EEFSEC: variants seen among roughly 807,000 people sequenced by gnomAD.
EEFSEC encodes eukaryotic elongation factor, selenocysteine-tRNA specific, also known as selenocysteine-specific elongation factor.
Under a neutral mutation model 42.1 loss-of-function variants are expected in EEFSEC, and 43 were observed. The ratio of observed to expected loss-of-function variants is 1.02; its 90% CI spans 0.80 to 1.32. The LOEUF (loss-of-function observed/expected upper bound fraction) is 1.32, where lower values mean the gene tolerates loss of function less well. EEFSEC is among the 40% of genes most tolerant of loss of function. EEFSEC has a pLI of 0.00. For synonymous variants in EEFSEC, 354 were observed against 339.1 expected (o/e 1.04, Z -0.48); for missense variants, 745 against 803.6 (o/e 0.93, Z 0.88).
At chr3:128,180,874 G>A (rs1343880748) in intron 1 of EEFSEC, among the ~76,000 whole-genome samples, 3 of 152,240 alleles carry the variant, frequency 2.0e-5, no homozygotes, top group Admixed American at 6.5e-5. Context: ...TTTAAAAAAA[G>A]GGGGCTAATG....
chr3:128,366,621 C>T (rs575519905), intron 6 of EEFSEC, among the ~76,000 whole-genome samples: 2 of 152,220 alleles, frequency 1.3e-5, no homozygotes, highest in Non-Finnish European at 2.9e-5. Context: ...CTGACTTTAG[C>T]TAGCTCTTCT....
intron 1 of EEFSEC, among the ~76,000 whole-genome samples, chr3:128,222,775 A>G (rs1364257370): frequency 6.6e-6 from 1 of 152,278 alleles, no homozygotes; most frequent in Non-Finnish European, 1.5e-5. Flanking sequence ...TAAAGGAAGG[A>G]AGGGACAGGA....
intron 4 of EEFSEC, among the ~76,000 whole-genome samples, chr3:128,295,154 G>A (rs1032919702): frequency 1.3e-5 from 2 of 152,200 alleles, no homozygotes; most frequent in East Asian, 1.9e-4. Flanking sequence ...AAAAGCTGCA[G>A]CTGATTCCAG....
chr3:128,272,278 C>T (rs1235866965), intron 4 of EEFSEC, among the ~76,000 whole-genome samples: 1 of 152,232 alleles, frequency 6.6e-6, no homozygotes, highest in Non-Finnish European at 1.5e-5. Context: ...GTGGAACACC[C>T]CTCCCCTGGC....
At chr3:128,231,581 T>A (rs2065959301) in intron 1 of EEFSEC, among the ~76,000 whole-genome samples, 1 of 152,204 alleles carries the variant, frequency 6.6e-6, no homozygotes, top group South Asian at 2.1e-4. Flanking sequence ...ATACTGCTGG[T>A]ATGTGGAGCA....
At chr3:128,198,523 T>G (rs1198889404) in intron 1 of EEFSEC, among the ~76,000 whole-genome samples, 1 of 152,198 alleles carries the variant, frequency 6.6e-6, no homozygotes, top group Non-Finnish European at 1.5e-5. Flanking sequence ...TGGTTCTCAG[T>G]GTCTTCTTGC....
chr3:128,306,258 C>T (rs571403819), intron 4 of EEFSEC, among the ~76,000 whole-genome samples: 32 of 152,202 alleles, frequency 2.1e-4, no homozygotes, highest in Admixed American at 4.6e-4. Context: ...AGATAAACCC[C>T]CCACCTTATA....
At chr3:128,343,307 C>T (rs1419417160) in intron 5 of EEFSEC, among the ~76,000 whole-genome samples, 1 of 152,174 alleles carries the variant, frequency 6.6e-6, no homozygotes, top group Non-Finnish European at 1.5e-5. Flanking sequence ...CCTTCCCCTC[C>T]CTTTCTCCTT....
At chr3:128,189,035 G>GC (rs921262810) in intron 1 of EEFSEC, among the ~76,000 whole-genome samples, 21 of 151,942 alleles carry the variant, frequency 1.4e-4, no homozygotes, top group Non-Finnish European at 2.4e-4. Context: ...CCTTTACATG[G>GC]GGGGGGCTCC....
At chr3:128,415,029 G>A in the EEFSEC span, among the ~76,000 whole-genome samples, 3 of 152,170 alleles carry the variant, frequency 2.0e-5, no homozygotes, top group African/African-American at 7.2e-5. Flanking sequence ...CACAAGAGAT[G>A]GGAACCCTGC....
At chr3:128,217,922 A>C (rs546914595) in intron 1 of EEFSEC, among the ~76,000 whole-genome samples, 1 of 152,302 alleles carries the variant, frequency 6.6e-6, no homozygotes, top group South Asian at 2.1e-4. Flanking sequence ...CAACTCTTTC[A>C]GGTACATTTC....
intron 1 of EEFSEC, among the ~76,000 whole-genome samples, chr3:128,180,433 CAT>C (rs1394851136): frequency 6.6e-6 from 1 of 152,172 alleles, no homozygotes; most frequent in Non-Finnish European, 1.5e-5. Context: ...CATTCAGAGG[CAT>C]GAGGTGTATT....
At chr3:128,363,411 AC>A (rs1239422200) in intron 6 of EEFSEC, among the ~76,000 whole-genome samples, 1 of 152,116 alleles carries the variant, frequency 6.6e-6, no homozygotes, top group East Asian at 1.9e-4. Context: ...GACTCCCCAC[AC>A]CATGATGCCT....
intron 4 of EEFSEC, among the ~76,000 whole-genome samples, chr3:128,293,975 G>A (rs2066675338): frequency 6.6e-6 from 1 of 152,212 alleles, no homozygotes; most frequent in African/African-American, 2.4e-5. Flanking sequence ...ACACAAAGGT[G>A]GCTGCTTCTC....
intron 6 of EEFSEC, among the ~76,000 whole-genome samples, chr3:128,387,128 C>A (rs993872810): frequency 6.6e-6 from 1 of 152,174 alleles, no homozygotes; most frequent in Non-Finnish European, 1.5e-5. Flanking sequence ...CCACCCTCCT[C>A]GGCCCTGTGC....
chr3:128,298,439 C>T (rs2066732434), intron 4 of EEFSEC, among the ~76,000 whole-genome samples: 1 of 152,174 alleles, frequency 6.6e-6, no homozygotes, highest in African/African-American at 2.4e-5. Context: ...TGAGCCACCA[C>T]ACCTGGCCAT....
At chr3:128,210,567 G>A (rs1009328779) in intron 1 of EEFSEC, among the ~76,000 whole-genome samples, 2 of 152,324 alleles carry the variant, frequency 1.3e-5, no homozygotes, top group African/African-American at 4.8e-5. Flanking sequence ...TAGTGGTAGA[G>A]TGCTTGGGAT....
chr3:128,214,442 A>T lies in EEFSEC; in HGVS notation c.317-32394A>T, dbSNP rs567252708. ...CTTGCTGACTTTTCATTTCTGGAAC[A>T]TATCTTTAATTTTGTATTATAATTT... is the stretch of plus-strand genomic sequence containing the variant. On this transcript the variant is annotated intron_variant, in intron 1 of 6. Transcript: ENST00000254730. Among the ~76,000 whole-genome samples the T allele has an allele frequency of 3.3e-5, 5 of 152,370 alleles. No homozygotes were observed. In the South Asian group the frequency reaches 1.0e-3, roughly 32 times the overall value.
chr3:128,163,463 A>G (rs1181320970), intron 1 of EEFSEC, among the ~76,000 whole-genome samples: 1 of 152,138 alleles, frequency 6.6e-6, no homozygotes, highest in Non-Finnish European at 1.5e-5. Context: ...CATACAGCAG[A>G]TAATAATTTT....
Sources: gnomAD v4.1 joint callset for allele counts (sites outside exome capture counted in the v4.1 genomes callset) on GRCh38, gnomAD v4.1.1 for gene constraint, MANE v1.5 for transcripts, NCBI Gene and HGNC (gene_info 2026-07-23, HGNC 2026-07-21) for gene names.